Variants in SLC30A9 observed in about 807,000 individuals in gnomAD.
The protein encoded by SLC30A9 is proton-coupled zinc antiporter SLC30A9, mitochondrial.
In SLC30A9, 58 loss-of-function variants were observed where a neutral mutation model predicts 87.5. The ratio of observed to expected loss-of-function variants is 0.66; its 90% CI spans 0.54 to 0.82. The LOEUF is 0.82. SLC30A9 is among the 40% of genes least tolerant of loss of function. The probability of loss-of-function intolerance (pLI) is 0.00; values close to 1 mark genes in which losing one functional copy is unlikely to be tolerated. For synonymous variants in SLC30A9, 234 were observed against 233.0 expected (o/e 1.00, Z -0.04); for missense variants, 557 against 679.1 (o/e 0.82, Z 2.00).
At chr4:41,995,720 G>C (rs1577674324) in intron 1 of SLC30A9, among the ~76,000 whole-genome samples, 1 of 151,954 alleles carries the variant, frequency 6.6e-6, no homozygotes, top group African/African-American at 2.4e-5. Context: ...ATATATGTAT[G>C]TATTTTTGAG....
chr4:41,993,581 G>A (rs1297770124), intron 1 of SLC30A9, among the ~76,000 whole-genome samples: 1 of 152,096 alleles, frequency 6.6e-6, no homozygotes, highest in Non-Finnish European at 1.5e-5. Flanking sequence ...TTTCATTTTG[G>A]CCGAATTTTT....
chr4:42,015,045 TAA>T (rs1715654700), intron 2 of SLC30A9, among the ~76,000 whole-genome samples: 1 of 148,152 alleles, frequency 6.7e-6, no homozygotes, highest in African/African-American at 2.6e-5. Flanking sequence ...TAAAAATAAC[TAA>T]AAGAGTATAA....
intron 1 of SLC30A9, among the ~76,000 whole-genome samples, chr4:41,997,565 G>A (rs756464333): frequency 3.3e-5 from 5 of 150,792 alleles, no homozygotes; most frequent in Admixed American, 1.3e-4. Flanking sequence ...TAAGTCTTCC[G>A]CTTTTTTTAT....
At chr4:42,058,202 A>G (rs1173354104) in intron 9 of SLC30A9, among the ~76,000 whole-genome samples, 2 of 151,832 alleles carry the variant, frequency 1.3e-5, no homozygotes, top group East Asian at 1.9e-4. Context: ...ACTCTAAATC[A>G]TCTCTCTCAA....
Position 42,049,460 on chromosome 4 carries a change from T to A in SLC30A9, c.821T>A (p.Leu274Ter). The A allele has an allele frequency of 6.3e-7, 1 of 1,588,748 alleles. No individual in the cohort carries two copies. Among genetic ancestry groups the A allele is most frequent in the Non-Finnish European group, 8.6e-7 (1 of 1,163,094 alleles). The stretch of plus-strand genomic sequence containing the variant: ...ATGTTCTCAGAAGCTATACACTCAT[T>A]ATCTGATACTTGTAATCAGGTGAGG... ...ASMFSEAIHS[L>*]SDTCNQGLLA... Residue 274 changes from leucine (L) to a stop codon, truncating the protein, a stop_gained, in exon 9 of 18, where the codon TTA becomes TAA. Coordinates refer to ENST00000264451, the MANE Select transcript of SLC30A9 (RefSeq NM_006345.4). LOFTEE classifies it high-confidence loss of function.
chr4:42,016,724 C>CAAAG (rs1715735570), intron 2 of SLC30A9, among the ~76,000 whole-genome samples: 2 of 152,014 alleles, frequency 1.3e-5, no homozygotes, highest in South Asian at 4.2e-4. Flanking sequence ...AGTAAAAGCT[C>CAAAG]AAAGAAAGAT....
At chr4:42,008,251 G>C (rs1263974134) in intron 2 of SLC30A9, among the ~76,000 whole-genome samples, 1 of 152,150 alleles carries the variant, frequency 6.6e-6, no homozygotes, top group African/African-American at 2.4e-5. Context: ...TTAAATGTCA[G>C]CTCTGCATAG....
At chr4:42,019,504 T>A (rs902560380) in intron 3 of SLC30A9, among the ~76,000 whole-genome samples, 2 of 152,164 alleles carry the variant, frequency 1.3e-5, no homozygotes, top group Non-Finnish European at 2.9e-5. Context: ...TATAATAATT[T>A]TTTTTGTAAT....
chr4:42,061,850 A>G (rs921390286), intron 10 of SLC30A9, among the ~76,000 whole-genome samples: 3 of 151,658 alleles, frequency 2.0e-5, no homozygotes, highest in African/African-American at 7.3e-5. Flanking sequence ...TGGTGAGCCA[A>G]GATCACGCCA....
intron 10 of SLC30A9, among the ~76,000 whole-genome samples, chr4:42,061,446 T>C (rs946065248): frequency 2.6e-5 from 4 of 152,264 alleles, no homozygotes; most frequent in Non-Finnish European, 2.9e-5. Flanking sequence ...TTTTAGATCT[T>C]AATTTACTTT....
intron 2 of SLC30A9, among the ~76,000 whole-genome samples, chr4:42,005,684 A>G (rs1331866863): frequency 6.6e-6 from 1 of 152,190 alleles, no homozygotes; most frequent in Non-Finnish European, 1.5e-5. Context: ...TTTGTTCTGT[A>G]GAGATTCTGC....
intron 6 of SLC30A9, among the ~76,000 whole-genome samples, chr4:42,024,137 C>T (rs544854389): frequency 3.3e-4 from 50 of 152,258 alleles, no homozygotes; most frequent in Non-Finnish European, 4.4e-4. Context: ...GATATTTATC[C>T]AATACCCGCT....
At chr4:42,036,131 T>C (rs1716668717) in intron 7 of SLC30A9, among the ~76,000 whole-genome samples, 1 of 152,224 alleles carries the variant, frequency 6.6e-6, no homozygotes, top group African/African-American at 2.4e-5. Context: ...TTCCAGAGTA[T>C]GTTCACCTTC....
chr4:41,995,039 C>T (rs954223967), intron 1 of SLC30A9, among the ~76,000 whole-genome samples: 2 of 151,816 alleles, frequency 1.3e-5, no homozygotes, highest in African/African-American at 4.8e-5. Flanking sequence ...GGGCGGATCA[C>T]CTGAGGTCAG....
chr4:42,017,259 C>G (rs1715759640), intron 2 of SLC30A9, among the ~76,000 whole-genome samples: 1 of 151,788 alleles, frequency 6.6e-6, no homozygotes, highest in Non-Finnish European at 1.5e-5. Flanking sequence ...CCTATTTTTT[C>G]TAATGGATTG....
chr4:42,062,939 G>A (rs548587638), intron 10 of SLC30A9, 47 bp from the exon 11 acceptor site: 1 of 1,543,880 alleles, frequency 6.5e-7, no homozygotes, highest in Admixed American at 1.7e-5. Flanking sequence ...TATTTTAAAA[G>A]AAACCATTTG....
At chr4:42,034,032 G>A (rs1393003474) in intron 6 of SLC30A9, among the ~76,000 whole-genome samples, 5 of 149,596 alleles carry the variant, frequency 3.3e-5, no homozygotes, top group East Asian at 4.0e-4. Flanking sequence ...CTATTAAAAC[G>A]ATACCATGAG....
intron 1 of SLC30A9, among the ~76,000 whole-genome samples, chr4:41,999,977 T>A (rs751485957): frequency 1.7e-4 from 26 of 152,076 alleles, no homozygotes; most frequent in Admixed American, 3.9e-4. Context: ...CAGGTAGAGA[T>A]GAGATGAAAT....
chr4:42,008,727 C>T (rs766695454), intron 2 of SLC30A9, among the ~76,000 whole-genome samples: 26 of 152,202 alleles, frequency 1.7e-4, no homozygotes, highest in Admixed American at 3.9e-4. Flanking sequence ...GAATAATAAA[C>T]ATTTCAAGAC....
Sources: gnomAD v4.1 joint callset for allele counts (sites outside exome capture counted in the v4.1 genomes callset) on GRCh38, gnomAD v4.1.1 for gene constraint, MANE v1.5 for transcripts, NCBI Gene and HGNC (gene_info 2026-07-23, HGNC 2026-07-21) for gene names.